The following TMEM178B variants were observed in gnomAD, a reference collection of about 807,000 sequenced individuals.
TMEM178B encodes transmembrane protein 178B.
A neutral mutation model predicts 31.0 loss-of-function variants in TMEM178B; 5 were observed. That is an observed-to-expected ratio of 0.16 (90% CI 0.08 to 0.34). The LOEUF (loss-of-function observed/expected upper bound fraction) is 0.34, where lower values mean the gene tolerates loss of function less well. Ranked by LOEUF, TMEM178B falls within the 10% of genes least tolerant of loss-of-function variation. The pLI is 1.00. For synonymous variants in TMEM178B, 164 were observed against 164.0 expected (o/e 1.00, Z 0.00); for missense variants, 275 against 400.3 (o/e 0.69, Z 2.67).
At chr7:141,093,098 C>T (rs930529044) in intron 1 of TMEM178B, among the ~76,000 whole-genome samples, 3 of 152,090 alleles carry the variant, frequency 2.0e-5, no homozygotes, top group South Asian at 2.1e-4. Flanking sequence ...AGAAGAGGAG[C>T]GATGTGATTA....
intron 2 of TMEM178B, among the ~76,000 whole-genome samples, chr7:141,340,443 A>G (rs954939196): frequency 1.3e-5 from 2 of 149,714 alleles, no homozygotes; most frequent in African/African-American, 5.1e-5. Flanking sequence ...AAATCTTGTT[A>G]TTATAATTTG....
intron 2 of TMEM178B, among the ~76,000 whole-genome samples, chr7:141,271,177 G>A (rs184986505): frequency 2.6e-5 from 4 of 152,208 alleles, no homozygotes; most frequent in Non-Finnish European, 5.9e-5. Context: ...GTTCCAGTGA[G>A]TATTGTTCCT....
intron 2 of TMEM178B, among the ~76,000 whole-genome samples, chr7:141,285,210 G>A (rs1391164851): frequency 7.6e-6 from 1 of 131,526 alleles, no homozygotes; most frequent in African/African-American, 2.9e-5. Context: ...GAGTGCAGTG[G>A]CATGATCTCG....
At chr7:141,246,606 A>T (rs1797734013) in intron 2 of TMEM178B, among the ~76,000 whole-genome samples, 2 of 152,344 alleles carry the variant, frequency 1.3e-5, no homozygotes, top group African/African-American at 4.8e-5. Context: ...GAGGAGGCGG[A>T]TCAAGAACTG....
intron 1 of TMEM178B, among the ~76,000 whole-genome samples, chr7:141,080,712 G>A (rs999881849): frequency 2.0e-5 from 3 of 152,206 alleles, no homozygotes; most frequent in African/African-American, 7.2e-5. Context: ...CTGCCCTTAC[G>A]AAGCGCAAAG....
At chr7:141,102,552 G>A (rs1195092520) in intron 1 of TMEM178B, among the ~76,000 whole-genome samples, 1 of 152,180 alleles carries the variant, frequency 6.6e-6, no homozygotes, top group Non-Finnish European at 1.5e-5. Context: ...CTCCTACACT[G>A]CTGCTATAAG....
At chr7:141,398,673 A>C (rs868430616) in intron 2 of TMEM178B, among the ~76,000 whole-genome samples, 2 of 152,154 alleles carry the variant, frequency 1.3e-5, no homozygotes, top group South Asian at 2.1e-4. Flanking sequence ...TTGCTGGAAT[A>C]ATTTGATGGA....
At chr7:141,502,893 TTAATC>T in the TMEM178B span, among the ~76,000 whole-genome samples, 3 of 152,364 alleles carry the variant, frequency 2.0e-5, no homozygotes, top group East Asian at 5.8e-4. Flanking sequence ...AATTTAATGT[TTAATC>T]TACCAACAAG....
At chr7:141,108,975 A>T (rs971927918) in intron 1 of TMEM178B, among the ~76,000 whole-genome samples, 1 of 152,194 alleles carries the variant, frequency 6.6e-6, no homozygotes, top group African/African-American at 2.4e-5. Flanking sequence ...TGGCGGCAAG[A>T]GAGAGAATGA....
At chr7:141,333,842 A>G (rs561243595) in intron 2 of TMEM178B, among the ~76,000 whole-genome samples, 4 of 152,294 alleles carry the variant, frequency 2.6e-5, no homozygotes, top group Admixed American at 2.6e-4. Flanking sequence ...GGAGCGCGCA[A>G]TCTAGATCCC....
At chr7:141,144,868 G>A (rs770537313) in intron 1 of TMEM178B, among the ~76,000 whole-genome samples, 5 of 152,110 alleles carry the variant, frequency 3.3e-5, no homozygotes, top group Non-Finnish European at 5.9e-5. Flanking sequence ...CAACACCGAC[G>A]TTGCTTTTTT....
chr7:141,399,365 G>A (rs148984811), intron 2 of TMEM178B, among the ~76,000 whole-genome samples: 3 of 152,314 alleles, frequency 2.0e-5, no homozygotes, highest in African/African-American at 7.2e-5. Flanking sequence ...GGAAGCTAGT[G>A]GGAAATATGG....
At chr7:141,322,624 C>G (rs897415339) in intron 2 of TMEM178B, among the ~76,000 whole-genome samples, 2 of 152,156 alleles carry the variant, frequency 1.3e-5, no homozygotes, top group African/African-American at 4.8e-5. Context: ...GAAGAAGACT[C>G]TAGCAAGTTC....
intron 1 of TMEM178B, among the ~76,000 whole-genome samples, chr7:141,185,525 G>C (rs6962158): frequency 0.74 from 111,892 of 152,038 alleles, 41,769 homozygotes; most frequent in African/African-American, 0.83. Flanking sequence ...CTCCCAACAT[G>C]CCCTCAACGC....
At chr7:141,335,518 G>A (rs1799369360) in intron 2 of TMEM178B, among the ~76,000 whole-genome samples, 1 of 152,182 alleles carries the variant, frequency 6.6e-6, no homozygotes, top group Non-Finnish European at 1.5e-5. Flanking sequence ...ACCCTGTGCA[G>A]GAGCCCAAGG....
intron 2 of TMEM178B, among the ~76,000 whole-genome samples, chr7:141,433,252 C>G (rs1444285839): frequency 6.6e-6 from 1 of 152,186 alleles, no homozygotes; most frequent in African/African-American, 2.4e-5. Context: ...GAATCTAGAT[C>G]CATCTTAAAT....
At chr7:141,237,301 A>T (rs1193303079) in intron 2 of TMEM178B, among the ~76,000 whole-genome samples, 1 of 152,256 alleles carries the variant, frequency 6.6e-6, no homozygotes, top group Non-Finnish European at 1.5e-5. Context: ...GAGAGTTTTA[A>T]ATTCAAATTG....
intron 2 of TMEM178B, among the ~76,000 whole-genome samples, chr7:141,325,598 A>G (rs1469886789): frequency 6.6e-6 from 1 of 152,202 alleles, no homozygotes; most frequent in East Asian, 1.9e-4. Context: ...AGCCTACTGC[A>G]CTGACAGGGC....
chr7:141,189,334 C>T (rs1324471624), intron 1 of TMEM178B, among the ~76,000 whole-genome samples: 1 of 152,212 alleles, frequency 6.6e-6, no homozygotes, highest in Non-Finnish European at 1.5e-5. Context: ...GGAAACCCTT[C>T]CAGGGCACTC....
Sources: gnomAD v4.1 joint callset for allele counts (sites outside exome capture counted in the v4.1 genomes callset) on GRCh38, gnomAD v4.1.1 for gene constraint, MANE v1.5 for transcripts, NCBI Gene and HGNC (gene_info 2026-07-23, HGNC 2026-07-21) for gene names.